The following INSL6 variants were observed in gnomAD, a reference collection of about 807,000 sequenced individuals.
INSL6 encodes the protein insulin-like peptide INSL6.
In INSL6, 16 loss-of-function variants were observed where a neutral mutation model predicts 9.4. The observed-to-expected ratio is 1.70, with a 90% CI of 1.15 to 2.59. INSL6 has a LOEUF of 2.59. Among genes scored for constraint, INSL6 ranks in the 30% most tolerant of loss-of-function variants. The pLI, the probability that INSL6 is intolerant of heterozygous loss-of-function variation, is 0.00. For missense variants in INSL6, 391 were observed against 257.3 expected, an observed-to-expected ratio of 1.52 and a Z score of -3.56; for synonymous variants, 154 against 96.9, an observed-to-expected ratio of 1.59 and a Z score of -3.46.
Position 5,126,871 on chromosome 9 carries a change from A to G in INSL6, c.*11-2360T>C, listed in dbSNP as rs1039837826. 4 of 713,734 alleles carry G rather than the reference A, an allele frequency of 5.6e-6. No homozygotes were observed. The East Asian group carries it at 1.1e-4, about 20-fold the overall frequency. 44.2% of individuals were successfully genotyped at this position (713,734 alleles called of 1,614,324 possible). On this transcript the variant is annotated intron_variant, in intron 3 of 3. Coordinates refer to the INSL6 transcript ENST00000649639. ...TTTCACATTGCTGTGGACTATTATT[A>G]CATATATCATTATTATATAAATCAT...
At chr9:5,069,218 T>A in the INSL6 span, 1 of 1,574,894 alleles carries the variant, frequency 6.3e-7, no homozygotes, top group Non-Finnish European at 8.7e-7. Flanking sequence ...GGTAAGATAA[T>A]TTTCTAGTTA....
At chr9:5,143,169 C>A (rs1417038710) in intron 2 of INSL6, among the ~76,000 whole-genome samples, 1 of 151,540 alleles carries the variant, frequency 6.6e-6, no homozygotes, top group African/African-American at 2.4e-5. Flanking sequence ...TGTATTTCTG[C>A]CAGGTTTTGG....
chr9:5,177,392 C>A (rs998713701), intron 1 of INSL6, among the ~76,000 whole-genome samples: 1 of 152,196 alleles, frequency 6.6e-6, no homozygotes, highest in African/African-American at 2.4e-5. Context: ...GAAATCCCAT[C>A]TTTGATCCCA....
the INSL6 span, chr9:5,044,384 T>A: frequency 1.3e-6 from 2 of 1,508,442 alleles, no homozygotes; most frequent in Non-Finnish European, 1.8e-6. Flanking sequence ...GCTGACCAAA[T>A]GTTTTTATTA....
chr9:5,089,394 T>C, the INSL6 span, among the ~76,000 whole-genome samples: 2 of 151,900 alleles, frequency 1.3e-5, no homozygotes, highest in Non-Finnish European at 2.9e-5. Context: ...AAAAATTAGC[T>C]GGGCGTATTG....
the INSL6 span, among the ~76,000 whole-genome samples, chr9:5,104,998 A>C: frequency 3.9e-5 from 6 of 152,186 alleles, no homozygotes; most frequent in Admixed American, 1.3e-4. Context: ...AAAACTGGCA[A>C]AAGACAAGGA....
At chr9:5,130,701 CT>C (rs780200169) in intron 3 of INSL6, among the ~76,000 whole-genome samples, 1 of 150,460 alleles carries the variant, frequency 6.6e-6, no homozygotes, top group Non-Finnish European at 1.5e-5. Flanking sequence ...TATGAATTTT[CT>C]TTTTTTTATT....
chr9:5,083,204 G>A, the INSL6 span, among the ~76,000 whole-genome samples: 1 of 140,660 alleles, frequency 7.1e-6, no homozygotes, highest in African/African-American at 2.7e-5. Context: ...ATCTCAGGGA[G>A]AATTAATCTT....
the INSL6 span, among the ~76,000 whole-genome samples, chr9:5,057,209 CTGT>C: frequency 6.7e-6 from 1 of 150,124 alleles, no homozygotes; most frequent in African/African-American, 2.5e-5. Context: ...TATGCTTTTT[CTGT>C]TGTTTATTAA....
the INSL6 span, among the ~76,000 whole-genome samples, chr9:5,011,623 C>G: frequency 6.6e-6 from 1 of 151,602 alleles, no homozygotes; most frequent in South Asian, 2.1e-4. Context: ...ATATTTGGGT[C>G]TGCTTTGGGT....
chr9:5,050,568 G>A, the INSL6 span: 7 of 1,058,522 alleles, frequency 6.6e-6, no homozygotes, highest in South Asian at 8.1e-5. Flanking sequence ...ACTGAGCCTG[G>A]CCAATTTGTA....
At chr9:5,087,340 A>G in the INSL6 span, among the ~76,000 whole-genome samples, 1 of 152,240 alleles carries the variant, frequency 6.6e-6, no homozygotes, top group African/African-American at 2.4e-5. Context: ...CATGAGAACT[A>G]TCACGAGAAC....
the INSL6 span, among the ~76,000 whole-genome samples, chr9:5,030,516 G>A: frequency 6.6e-6 from 1 of 151,930 alleles, no homozygotes; most frequent in Non-Finnish European, 1.5e-5. Context: ...AACTTCATGA[G>A]GTGTTAAGAT....
At chr9:5,152,486 A>C (rs1327501036) in intron 2 of INSL6, among the ~76,000 whole-genome samples, 1 of 152,222 alleles carries the variant, frequency 6.6e-6, no homozygotes, top group Non-Finnish European at 1.5e-5. Context: ...GAAAAAATGG[A>C]AAATATTCTC....
chr9:5,101,193 C>T, the INSL6 span, among the ~76,000 whole-genome samples: 5 of 152,208 alleles, frequency 3.3e-5, no homozygotes, highest in Admixed American at 1.3e-4. Flanking sequence ...CTGTGCTTTT[C>T]CAACAGTCTT....
rs749611216 is a variant in INSL6 at position 5,164,244 on chromosome 9, G to A, written c.311C>T (p.Ala104Val). The A allele has an allele frequency of 6.2e-7, 1 of 1,604,724 alleles. No homozygotes were observed. The highest frequency in any genetic ancestry group is 1.7e-5 in the Admixed American group (1 of 58,926). ...TGACTGCATTTCCCAACTGTTTACTGCTTCTTCCCAAGAAGTAGACACTGT... is the reference window on the plus strand; with the variant it reads ...TGACTGCATTTCCCAACTGTTTACTACTTCTTCCCAAGAAGTAGACACTGT... The part of the protein sequence containing the change: ...TNPVSTSWEE[A>V]VNSWEMQSLP... Residue 104 changes from alanine to valine, a missense_variant, in exon 2 of 2, where the codon GCA (alanine) becomes GTA (valine). By Grantham distance (64) the Ala-to-Val change is moderately conservative. Transcript: ENST00000381641.
the INSL6 span, among the ~76,000 whole-genome samples, chr9:5,057,858 G>C: frequency 6.6e-6 from 1 of 152,014 alleles, no homozygotes; most frequent in Non-Finnish European, 1.5e-5. Context: ...TGGGATTACA[G>C]GTGTGAGCCA....
chr9:5,081,694 T>C, the INSL6 span: 3 of 1,506,034 alleles, frequency 2.0e-6, no homozygotes, highest in Non-Finnish European at 2.8e-6. Context: ...TATTTGCTAA[T>C]TTAAGGTGAT....
chr9:5,052,068 C>T, the INSL6 span, among the ~76,000 whole-genome samples: 1 of 151,960 alleles, frequency 6.6e-6, no homozygotes, highest in South Asian at 2.1e-4. Flanking sequence ...TCTTAGATGT[C>T]GTTACATAGA....
Sources: allele counts gnomAD v4.1 joint callset (sites outside exome capture counted in the v4.1 genomes callset), GRCh38; gene constraint gnomAD v4.1.1; transcripts MANE v1.5; gene names NCBI Gene and HGNC (gene_info 2026-07-23, HGNC 2026-07-21).